KCNH5: variants seen among roughly 807,000 people sequenced by gnomAD.
The protein encoded by KCNH5 is voltage-gated delayed rectifier potassium channel KCNH5.
A neutral mutation model predicts 96.1 loss-of-function variants in KCNH5; 46 were observed. That is an observed-to-expected ratio of 0.48 (90% CI 0.38 to 0.61). The LOEUF (loss-of-function observed/expected upper bound fraction) is 0.61. Ranked by LOEUF, KCNH5 falls within the 20% of genes least tolerant of loss-of-function variation. KCNH5 has a pLI of 0.00. For missense variants in KCNH5, 907 were observed against 1,225.8 expected, an observed-to-expected ratio of 0.74 and a Z score of 3.88; for synonymous variants, 439 against 449.8, an observed-to-expected ratio of 0.98 and a Z score of 0.30.
intron 10 of KCNH5, among the ~76,000 whole-genome samples, chr14:62,757,762 C>A (rs1471954433): frequency 6.6e-6 from 1 of 152,044 alleles, no homozygotes; most frequent in African/African-American, 2.4e-5. Flanking sequence ...CAACTGAACT[C>A]ATGGAGATAG....
intron 10 of KCNH5, among the ~76,000 whole-genome samples, chr14:62,743,228 A>G (rs1003668520): frequency 6.6e-6 from 1 of 152,152 alleles, no homozygotes; most frequent in Non-Finnish European, 1.5e-5. Flanking sequence ...ATAAAAGTAT[A>G]ATGGGCCTCA....
chr14:62,870,623 G>A (rs913075844), intron 7 of KCNH5, among the ~76,000 whole-genome samples: 2 of 152,136 alleles, frequency 1.3e-5, no homozygotes, highest in Non-Finnish European at 1.5e-5. Context: ...AAGCAAGGCA[G>A]TGAGTATCTT....
chr14:62,839,604 G>A lies in KCNH5; in HGVS notation c.1569+10049C>T, dbSNP rs184930119. Among the ~76,000 whole-genome samples, 8 of 152,204 alleles carry A rather than the reference G, an allele frequency of 5.3e-5. No homozygotes were observed. The East Asian group carries it at 1.3e-3, about 26-fold the overall frequency. ...CCAATATGTTCCTGGATCAATTTAC[G>A]TGTTGTTATTGGTATTAGAGTAATA... On this transcript the variant is annotated intron_variant, in intron 8 of 10. Coordinates refer to ENST00000322893, the MANE Select transcript of KCNH5 (RefSeq NM_139318.5).
At chr14:62,966,935 T>C (rs540946207) in intron 6 of KCNH5, among the ~76,000 whole-genome samples, 1 of 152,314 alleles carries the variant, frequency 6.6e-6, no homozygotes, top group East Asian at 1.9e-4. Context: ...AGTACACTAC[T>C]AGAGCTTTGC....
intron 10 of KCNH5, among the ~76,000 whole-genome samples, chr14:62,754,542 T>C (rs1885576426): frequency 6.7e-6 from 1 of 150,252 alleles, no homozygotes; most frequent in Non-Finnish European, 1.5e-5. Context: ...AGACTAAAAA[T>C]AAGGGATAGA....
intron 10 of KCNH5, among the ~76,000 whole-genome samples, chr14:62,711,446 C>T (rs1884565865): frequency 6.6e-6 from 1 of 152,222 alleles, no homozygotes; most frequent in African/African-American, 2.4e-5. Flanking sequence ...AGCTCTGGTA[C>T]ATTAGATGAC....
intron 4 of KCNH5, among the ~76,000 whole-genome samples, chr14:62,989,021 A>G (rs559950940): frequency 1.9e-4 from 28 of 146,234 alleles, no homozygotes; most frequent in African/African-American, 6.2e-4. Context: ...TATTACCTAC[A>G]CACACACACA....
intron 7 of KCNH5, among the ~76,000 whole-genome samples, chr14:62,932,041 C>T (rs1889590292): frequency 6.6e-6 from 1 of 152,068 alleles, no homozygotes; most frequent in East Asian, 1.9e-4. Context: ...ACAGAAATGA[C>T]CCCAAAATAC....
chr14:62,776,983 C>G (rs1886110917), intron 10 of KCNH5, among the ~76,000 whole-genome samples: 1 of 152,162 alleles, frequency 6.6e-6, no homozygotes, highest in African/African-American at 2.4e-5. Context: ...TGCTCCCTTA[C>G]TTAGTAGGAA....
chr14:62,775,106 A>G (rs538243326), intron 10 of KCNH5, among the ~76,000 whole-genome samples: 1 of 152,350 alleles, frequency 6.6e-6, no homozygotes, highest in South Asian at 2.1e-4. Context: ...TATCTTTGGC[A>G]CATATGATAT....
intron 7 of KCNH5, among the ~76,000 whole-genome samples, chr14:62,922,085 A>C (rs1185434615): frequency 6.6e-6 from 1 of 152,116 alleles, no homozygotes; most frequent in East Asian, 1.9e-4. Flanking sequence ...CAAATGATAT[A>C]CATTCTGGGT....
chr14:62,988,654 G>T (rs1890754191), intron 4 of KCNH5, among the ~76,000 whole-genome samples: 1 of 151,798 alleles, frequency 6.6e-6, no homozygotes, highest in African/African-American at 2.4e-5. Flanking sequence ...TTTGGGAATT[G>T]TATGCAACCC....
intron 9 of KCNH5, among the ~76,000 whole-genome samples, chr14:62,798,265 A>G (rs1033324902): frequency 1.3e-5 from 2 of 152,204 alleles, no homozygotes; most frequent in African/African-American, 4.8e-5. Context: ...TTCTAACCCT[A>G]TGATTCTAAT....
chr14:62,969,757 ATTTTTT>A (rs779644836), intron 6 of KCNH5, among the ~76,000 whole-genome samples: 17 of 113,916 alleles, frequency 1.5e-4, no homozygotes, highest in South Asian at 1.4e-3. Flanking sequence ...AATAAAATTA[ATTTTTT>A]TTTTTTTTTT....
At chr14:62,969,146 C>T (rs541888199) in intron 6 of KCNH5, among the ~76,000 whole-genome samples, 197 of 152,168 alleles carry the variant, frequency 1.3e-3, no homozygotes, top group Admixed American at 0.013. Flanking sequence ...GATTAAATAA[C>T]ACACTTTTAA....
chr14:63,004,491 C>T (rs1319136474), intron 3 of KCNH5, among the ~76,000 whole-genome samples: 1 of 152,168 alleles, frequency 6.6e-6, no homozygotes, highest in Non-Finnish European at 1.5e-5. Context: ...TAATTTCAAT[C>T]CATTAACATA....
chr14:62,875,900 T>G (rs1039276567), intron 7 of KCNH5, among the ~76,000 whole-genome samples: 1 of 152,104 alleles, frequency 6.6e-6, no homozygotes, highest in Non-Finnish European at 1.5e-5. Context: ...CCTGGTGCTA[T>G]GGCTCATGCC....
chr14:62,871,948 C>G (rs976823565), intron 7 of KCNH5, among the ~76,000 whole-genome samples: 8 of 152,336 alleles, frequency 5.3e-5, no homozygotes, highest in Middle Eastern at 3.4e-3. Context: ...ATCCAATGCT[C>G]TGATCCCATT....
intron 10 of KCNH5, among the ~76,000 whole-genome samples, chr14:62,725,652 G>A (rs1197635839): frequency 6.6e-6 from 1 of 152,140 alleles, no homozygotes; most frequent in Non-Finnish European, 1.5e-5. Context: ...TATGCACAGG[G>A]AACACAAAAA....
Sources: allele counts gnomAD v4.1 joint callset (sites outside exome capture counted in the v4.1 genomes callset), GRCh38; gene constraint gnomAD v4.1.1; transcripts MANE v1.5; gene names NCBI Gene and HGNC (gene_info 2026-07-23, HGNC 2026-07-21).